BCAM: variants seen among roughly 807,000 people sequenced by gnomAD.
BCAM encodes the protein basal cell adhesion molecule (Lutheran blood group).
In BCAM, 61 loss-of-function variants were observed where a neutral mutation model predicts 72.4. The ratio of observed to expected loss-of-function variants is 0.84; its 90% CI spans 0.69 to 1.04. The LOEUF (loss-of-function observed/expected upper bound fraction) is 1.04. Ranked by LOEUF, BCAM falls within the 50% of genes least tolerant of loss-of-function variation. The probability of loss-of-function intolerance (pLI) is 0.00; values close to 1 mark genes in which losing one functional copy is unlikely to be tolerated. For synonymous variants in BCAM, 408 were observed against 384.2 expected, an observed-to-expected ratio of 1.06 and a Z score of -0.73; for missense variants, 909 against 895.0, an observed-to-expected ratio of 1.02 and a Z score of -0.20.
In BCAM at chr19:44,811,348, T is replaced by C; in HGVS notation, c.204+2T>C. On this transcript the variant is annotated splice_donor_variant, in intron 2 of 14. Transcript: ENST00000270233. LOFTEE classifies it high-confidence loss of function. ...CATTATATGCTGGAATGGTTCCTTG[T>C]GAGTGCTTGGGGCTGGGGGGCCTGG... 1.2e-6 allele frequency: 2 copies of C among 1,611,056 alleles called. No homozygotes were observed. Among genetic ancestry groups the C allele is most frequent in the Non-Finnish European group, 1.7e-6 (2 of 1,178,316 alleles).
Position 44,814,203 on chromosome 19 carries a change from G to T in BCAM, c.836G>T (p.Gly279Val). 6.3e-7 allele frequency: 1 copy of T among 1,583,866 alleles called. No individual in the cohort carries two copies. Among genetic ancestry groups the T allele is most frequent in the Non-Finnish European group, 8.5e-7 (1 of 1,170,656 alleles). ...FWVGSPSTPAGWVREGDTVQL... is the reference protein window; with the variant it reads ...FWVGSPSTPAVWVREGDTVQL... ...GTGGGCAGCCCGTCCACCCCAGCAG[G>T]CTGGGTACGCGAGGGTGACACTGTC... The change falls in exon 7 of 15, where the codon GGC becomes GTC. Residue 279 changes from glycine to valine, a missense_variant. Transcript: ENST00000270233. This position sits in a 1 kb window ranked among gnomAD's most constrained non-coding sequence, Gnocchi z 4.6.
intron 8 of BCAM, among the ~76,000 whole-genome samples, chr19:44,816,028 A>G (rs943945772): frequency 6.6e-6 from 1 of 151,960 alleles, no homozygotes; most frequent in African/African-American, 2.4e-5. Flanking sequence ...AATAAAAATA[A>G]AAAAGTAGGC....
In BCAM at chr19:44,821,231, C is replaced by A; in HGVS notation, c.*310C>A. On this transcript the variant is annotated 3_prime_UTR_variant, in exon 15 of 15. Coordinates refer to ENST00000270233, the MANE Select transcript of BCAM (RefSeq NM_005581.5). ...GGACAAGGCTCCGAGGGTCGGCTGG[C>A]CGGAGCTATTTTTACCTCCCGCCTC... is the stretch of plus-strand genomic sequence containing the variant. The A allele has an allele frequency of 2.8e-6, 1 of 360,338 alleles. No individual in the cohort carries two copies. Among genetic ancestry groups the A allele is most frequent in the East Asian group, 4.2e-5 (1 of 23,828 alleles). The allele number at this position is 360,338 out of a possible 1,614,324, so 22.3% of individuals were successfully genotyped here. A position where few individuals can be genotyped will look rare whatever the true frequency, so the allele number is the denominator to read the frequency against.
chr19:44,818,571 A>G lies in BCAM; in HGVS notation c.1128A>G (p.Leu376=). Residue 376 remains leucine, a synonymous_variant, in exon 9 of 15, where the codon CTA becomes CTG. Transcript: ENST00000270233. This position sits in a 1 kb window ranked among gnomAD's most constrained non-coding sequence, Gnocchi z 4.6. ...AGGGGAAGGTGCTTTCCTTACCTCT[A>G]AACAGCAGTGCAGTCGTGAACTGCT... ...LSEGKVLSLP[L]NSSAVVNCSV... is the part of the protein sequence containing the mutation. The G allele has an allele frequency of 6.2e-7, 1 of 1,614,006 alleles. No homozygotes were observed. Among genetic ancestry groups the G allele is most frequent in the Non-Finnish European group, 8.5e-7 (1 of 1,179,954 alleles).
chr19:44,816,556 G>A (rs908539629), intron 8 of BCAM, among the ~76,000 whole-genome samples: 5 of 152,118 alleles, frequency 3.3e-5, no homozygotes, highest in Non-Finnish European at 7.3e-5. Flanking sequence ...GGTGGAATAA[G>A]TCCTTCCGTG....
rs748143958 is a variant in BCAM, at chr19:44,812,565, C to T, written c.504+17C>T. ...GCCCAGGAGGTACCTCTCGGGTGGACCTTGGCCCCAGGGTCCTGGAGGAGG... is the reference window on the plus strand; with the variant it reads ...GCCCAGGAGGTACCTCTCGGGTGGATCTTGGCCCCAGGGTCCTGGAGGAGG... On this transcript the variant is annotated intron_variant, in intron 4 of 14. Coordinates refer to ENST00000270233, the MANE Select transcript of BCAM (RefSeq NM_005581.5). The surrounding 1 kb of genome is among the most constrained non-coding windows in gnomAD (Gnocchi z 5.3). 4 of 1,613,780 alleles carry T rather than the reference C, an allele frequency of 2.5e-6. No individual in the cohort carries two copies. The highest frequency in any genetic ancestry group is 3.4e-6 in the Non-Finnish European group (4 of 1,179,800).
At position 44,820,723 on chromosome 19, in the gene BCAM, GC is replaced by G; in HGVS notation, c.1783del (p.Leu595Ter). Reference protein sequence around the residue: ...KGAPPPGEPGLSHSGSEQPEQ... With the variant: ...KGAPPPGEPGXSHSGSEQPEQ... ...CCCCCAGGCCGCCAGGGGAGCCAGG[GC>G]TGAGCCACTCGGGGTCGGAGCAACC... On this transcript the variant is annotated frameshift_variant, in exon 14 of 15. Transcript: ENST00000270233. LOFTEE classifies it high-confidence loss of function. 6.9e-7 allele frequency: 1 copy of G among 1,441,988 alleles called. No homozygotes were observed. The allele number at this position is 1,441,988 out of a possible 1,614,324, so 89.3% of individuals were successfully genotyped here.
Position 44,818,952 on chromosome 19 carries a change from C to T in BCAM, c.1336+70C>T, listed in dbSNP as rs551756819. ...GGGTGTGGGACCTGGACAAACAGGACGAGTTCCTGAGTCCCTGGCTGGGGA... is the reference window on the plus strand; with the variant it reads ...GGGTGTGGGACCTGGACAAACAGGATGAGTTCCTGAGTCCCTGGCTGGGGA... On this transcript the variant is annotated intron_variant, in intron 10 of 14. Transcript: ENST00000270233. This position sits in a 1 kb window ranked among gnomAD's most constrained non-coding sequence, Gnocchi z 4.6. The T allele has an allele frequency of 6.0e-5, 96 of 1,597,354 alleles. No individual in the cohort carries two copies. The highest frequency in any genetic ancestry group is 3.6e-4 in the African/African-American group (27 of 74,752).
chr19:44,812,267 G>A lies in BCAM; in HGVS notation c.309G>A (p.Gln103=), dbSNP rs1968433002. 6.2e-7 allele frequency: 1 copy of A among 1,610,568 alleles called. No homozygotes were observed. Among genetic ancestry groups the A allele is most frequent in the Non-Finnish European group, 8.5e-7 (1 of 1,178,088 alleles). ...HDTRGRSPPY[Q]LDSQGRLVLA... ...CCCGGGGCCGCAGTCCCCCATACCAGCTGGACTCCCAGGGGCGCCTGGTGC... is the reference window on the plus strand; with the variant it reads ...CCCGGGGCCGCAGTCCCCCATACCAACTGGACTCCCAGGGGCGCCTGGTGC... Residue 103 remains glutamine, a synonymous_variant, in exon 3 of 15, where the codon CAG becomes CAA. Coordinates refer to ENST00000270233, the MANE Select transcript of BCAM (RefSeq NM_005581.5). This position sits in a 1 kb window ranked among gnomAD's most constrained non-coding sequence, Gnocchi z 5.3.
chr19:44,809,308 G>A lies in BCAM; in HGVS notation c.82+102G>A, dbSNP rs530410733. 6.5e-5 allele frequency: 67 copies of A among 1,023,170 alleles called. No individual in the cohort carries two copies. The African/African-American group carries it at 8.4e-4, about 13-fold the overall frequency. The allele number at this position is 1,023,170 out of a possible 1,614,324, so 63.4% of individuals were successfully genotyped here. A position where few individuals can be genotyped will look rare whatever the true frequency, so the allele number is the denominator to read the frequency against. ...TTACCCTGACCCCAGGAAGCAAAAT[G>A]TGGGGACCCCAAGGAGGAGGGATAT... On this transcript the variant is annotated intron_variant, in intron 1 of 14. Coordinates refer to ENST00000270233, the MANE Select transcript of BCAM (RefSeq NM_005581.5).
chr19:44,810,195 C>T (rs185122966), intron 1 of BCAM, among the ~76,000 whole-genome samples: 206 of 152,080 alleles, frequency 1.4e-3, no homozygotes, highest in Non-Finnish European at 2.3e-3. Context: ...GGTGGTTTTT[C>T]TACAATAACT....
chr19:44,811,215 T>A lies in BCAM; in HGVS notation c.83-10T>A. ...GTGTGGTGGATGATAGCTCAGTTGC[T>A]CTCTTGCAGATGCCCAGGCGGAGGT... On this transcript the variant is annotated splice_polypyrimidine_tract_variant and intron_variant, in intron 1 of 14. Coordinates refer to ENST00000270233, the MANE Select transcript of BCAM (RefSeq NM_005581.5). The A allele has an allele frequency of 6.2e-7, 1 of 1,611,746 alleles. No homozygotes were observed. Among genetic ancestry groups the A allele is most frequent in the Non-Finnish European group, 8.5e-7 (1 of 1,179,794 alleles).
Position 44,809,148 on chromosome 19 carries a change from C to G in BCAM, c.24C>G (p.Ala8=), listed in dbSNP as rs908602690. The part of the protein sequence containing the change: MEPPDAP[A]QARGAPRLLL... ...ACATGGAGCCCCCGGACGCACCGGCCCAGGCGCGCGGGGCCCCGCGGCTGC... is the reference window on the plus strand; with the variant it reads ...ACATGGAGCCCCCGGACGCACCGGCGCAGGCGCGCGGGGCCCCGCGGCTGC... Residue 8 remains alanine, a synonymous_variant, in exon 1 of 15, where the codon GCC becomes GCG. Transcript: ENST00000270233. 78 of 1,472,762 alleles carry G rather than the reference C, an allele frequency of 5.3e-5. No homozygotes were observed. The highest frequency in any genetic ancestry group is 2.3e-4 in the Middle Eastern group (1 of 4,408). The allele number at this position is 1,472,762 out of a possible 1,614,324, so 91.2% of individuals were successfully genotyped here. A position where few individuals can be genotyped will look rare whatever the true frequency, so the allele number is the denominator to read the frequency against.
chr19:44,814,904 G>GTTT lies in BCAM; in HGVS notation c.1078+144_1078+145insTTT. ...CTCTGCATTTCTTGGGGGTTTTTTT[G>GTTT]GTTGTTTTTTTTTTTTTTTTTTTCC... On this transcript the variant is annotated intron_variant, in intron 8 of 14. Transcript: ENST00000270233. The surrounding 1 kb of genome is among the most constrained non-coding windows in gnomAD (Gnocchi z 4.6). The GTTT allele has an allele frequency of 1.0e-6, 1 of 964,226 alleles. No individual in the cohort carries two copies. Among genetic ancestry groups the GTTT allele is most frequent in the African/African-American group, 1.7e-5 (1 of 57,810 alleles). The allele number at this position is 964,226 out of a possible 1,614,324, so 59.7% of individuals were successfully genotyped here.
At chr19:44,809,296 A>G in intron 1 of BCAM, 90 bp downstream of exon 1, 1 of 1,159,836 alleles carries the variant, frequency 8.6e-7, no homozygotes. Context: ...CCCTGACCCC[A>G]GGAAGCAAAA....
chr19:44,818,512 C>G lies in BCAM; in HGVS notation c.1079-10C>G, dbSNP rs1350296687. The stretch of plus-strand genomic sequence containing the variant: ...GTCTGGGACGAGTGACAGACTGTCC[C>G]CCACTGCAGATCTGGACCCCCTGGA... On this transcript the variant is annotated splice_polypyrimidine_tract_variant and intron_variant, in intron 8 of 14. Coordinates refer to ENST00000270233, the MANE Select transcript of BCAM (RefSeq NM_005581.5). The surrounding 1 kb of genome is among the most constrained non-coding windows in gnomAD (Gnocchi z 4.6). 2 of 1,612,004 alleles carry G rather than the reference C, an allele frequency of 1.2e-6. No individual in the cohort carries two copies. The highest frequency in any genetic ancestry group is 1.1e-5 in the South Asian group (1 of 90,922).
At chr19:44,816,516 G>A (rs1968505469) in intron 8 of BCAM, among the ~76,000 whole-genome samples, 1 of 152,208 alleles carries the variant, frequency 6.6e-6, no homozygotes, top group African/African-American at 2.4e-5. Flanking sequence ...GACAGCTGCA[G>A]GCTGACAGCT....
chr19:44,819,003 T>TTC lies in BCAM; in HGVS notation c.1337-40_1337-39dup, dbSNP rs148272950. The TTC allele has an allele frequency of 7.7e-5, 123 of 1,597,144 alleles. 1 individual carries two copies. Among genetic ancestry groups the TTC allele is most frequent in the African/African-American group, 7.3e-4 (54 of 74,456 alleles). On this transcript the variant is annotated intron_variant, in intron 10 of 14. Coordinates refer to ENST00000270233, the MANE Select transcript of BCAM (RefSeq NM_005581.5). ...CTCCATCTTCTGCTCGATGCCTCTC[T>TTC]TCTCTCTCTCTCTCCTCTCCCTTCA...
At position 44,814,324 on chromosome 19, in the gene BCAM, C is replaced by G. The variant is rs1968474153; in HGVS notation, c.921+36C>G. ...CAAGGGTCCCTCTGGGATCCACCCC[C>G]CAGCCCCTGACCTCTGTGACCTGCT... On this transcript the variant is annotated intron_variant, in intron 7 of 14. Transcript: ENST00000270233. The surrounding 1 kb of genome is among the most constrained non-coding windows in gnomAD (Gnocchi z 4.6). The G allele has an allele frequency of 6.4e-7, 1 of 1,570,886 alleles. No homozygotes were observed. The highest frequency in any genetic ancestry group is 1.2e-5 in the South Asian group (1 of 85,808).
Sources: gnomAD v4.1 joint callset for allele counts (sites outside exome capture counted in the v4.1 genomes callset) on GRCh38, gnomAD v4.1.1 for gene constraint, Gnocchi (gnomAD v3.1) non-coding constraint, MANE v1.5 for transcripts, NCBI Gene and HGNC (gene_info 2026-07-23, HGNC 2026-07-21) for gene names.